Variants in CYP4X1 observed in about 807,000 individuals in gnomAD.
CYP4X1 encodes cytochrome P450 4X1.
A neutral mutation model predicts 57.9 loss-of-function variants in CYP4X1; 44 were observed. The observed-to-expected ratio is 0.76, with a 90% CI of 0.60 to 0.98. The LOEUF is 0.98. Ranked by LOEUF, CYP4X1 falls within the 50% of genes least tolerant of loss-of-function variation. The pLI is 0.00. For missense variants in CYP4X1, 532 were observed against 623.9 expected (o/e 0.85, Z 1.57); for synonymous variants, 227 against 228.6 (o/e 0.99, Z 0.06).
chr1:47,035,740 G>C (rs906372086), intron 4 of CYP4X1, 66 bp from the exon 5 acceptor site: 6 of 1,558,700 alleles, frequency 3.8e-6, no homozygotes, highest in Non-Finnish European at 5.2e-6. Flanking sequence ...CCAGGCAGGA[G>C]CCTTCAAATG....
chr1:46,973,469 T>C, the CYP4X1 span, among the ~76,000 whole-genome samples: 9 of 152,176 alleles, frequency 5.9e-5, no homozygotes, highest in African/African-American at 2.2e-4. Context: ...AGTCCCTCCC[T>C]TTTCTATTTT....
chr1:46,993,291 C>A, the CYP4X1 span, among the ~76,000 whole-genome samples: 1 of 152,212 alleles, frequency 6.6e-6, no homozygotes, highest in African/African-American at 2.4e-5. Context: ...CATAGTATTC[C>A]ATGGTGTAGA....
intron 1 of CYP4X1, among the ~76,000 whole-genome samples, chr1:47,025,871 C>T (rs987700733): frequency 6.6e-6 from 1 of 152,206 alleles, no homozygotes; most frequent in East Asian, 1.9e-4. Flanking sequence ...TGTTCTAGGA[C>T]TCCCCATTGA....
intron 2 of CYP4X1, among the ~76,000 whole-genome samples, chr1:47,031,017 T>TCC (rs1162886017): frequency 6.6e-6 from 1 of 152,200 alleles, no homozygotes; most frequent in Admixed American, 6.5e-5. Context: ...GTAGAACACC[T>TCC]CCACTTTGGG....
At position 47,035,881 on chromosome 1, in the gene CYP4X1, G is replaced by A; in HGVS notation, c.568G>A (p.Asp190Asn). 1 of 1,613,688 alleles carries A rather than the reference G, an allele frequency of 6.2e-7. No individual in the cohort carries two copies. Among genetic ancestry groups the A allele is most frequent in the African/African-American group, 1.3e-5 (1 of 75,014 alleles). ...TGAGCACATCAACTCGATGTCTCTGGATATAATCATGAAATGCGCTTTCAG... is the reference window on the plus strand; with the variant it reads ...TGAGCACATCAACTCGATGTCTCTGAATATAATCATGAAATGCGCTTTCAG... ...VYEHINSMSLDIIMKCAFSKE... is the reference protein window; with the variant it reads ...VYEHINSMSLNIIMKCAFSKE... Residue 190 changes from aspartate to asparagine, a missense_variant, in exon 5 of 12, where the codon GAT (aspartate) becomes AAT (asparagine). By Grantham distance (23) the Asp-to-Asn change is conservative (BLOSUM62 1). Transcript: ENST00000371901.
chr1:47,027,748 G>T (rs185499833), intron 1 of CYP4X1, among the ~76,000 whole-genome samples: 286 of 152,250 alleles, frequency 1.9e-3, no homozygotes, highest in African/African-American at 6.7e-3. Flanking sequence ...GAACATGCAC[G>T]TCTGTGGTTA....
In CYP4X1 at chr1:47,046,560, C is replaced by T. The variant is rs747915842; in HGVS notation, c.1167C>T (p.Ser389=). 1.9e-6 allele frequency: 3 copies of T among 1,614,162 alleles called. No homozygotes were observed. The highest frequency in any genetic ancestry group is 1.7e-6 in the Non-Finnish European group (2 of 1,180,028). Residue 389 remains serine (S), a synonymous_variant, in exon 9 of 12, where the codon AGC becomes AGT. Transcript: ENST00000371901. ...TCCCGTCCATTTCCAGAGATCTCAG[C>T]AAGCCACTTACCTTCCCAGATGGAT... The part of the protein sequence containing the change: ...PAVPSISRDL[S]KPLTFPDGCT...
chr1:47,020,462 C>T (rs1377757475), upstream of CYP4X1, among the ~76,000 whole-genome samples: 12 of 152,340 alleles, frequency 7.9e-5, no homozygotes, highest in Middle Eastern at 3.4e-3. Context: ...CTAGCCTGGA[C>T]GGATTTCATT....
the CYP4X1 span, among the ~76,000 whole-genome samples, chr1:46,963,739 T>C: frequency 1.3e-5 from 2 of 152,204 alleles, no homozygotes; most frequent in Non-Finnish European, 1.5e-5. Flanking sequence ...TTGCTCTTCT[T>C]GACGAGTATC....
chr1:46,993,675 G>C, the CYP4X1 span, among the ~76,000 whole-genome samples: 1 of 152,116 alleles, frequency 6.6e-6, no homozygotes, highest in Non-Finnish European at 1.5e-5. Context: ...GCATTTCTCT[G>C]ATGGCCAGTG....
chr1:47,009,808 T>C, the CYP4X1 span, among the ~76,000 whole-genome samples: 6 of 152,230 alleles, frequency 3.9e-5, no homozygotes, highest in Non-Finnish European at 5.9e-5. Context: ...CTAGAAGATC[T>C]AGAAGCAATG....
the CYP4X1 span, among the ~76,000 whole-genome samples, chr1:47,012,367 T>C: frequency 6.6e-6 from 1 of 152,142 alleles, no homozygotes; most frequent in Admixed American, 6.5e-5. Flanking sequence ...ATGAGAACAC[T>C]TGGACACAGG....
the CYP4X1 span, among the ~76,000 whole-genome samples, chr1:46,998,112 T>C: frequency 1.3e-5 from 2 of 152,166 alleles, no homozygotes; most frequent in African/African-American, 2.4e-5. Context: ...GTATTATGCA[T>C]AAAGTGAAGA....
At chr1:47,053,062 TC>T (rs985708508), downstream of CYP4X1, among the ~76,000 whole-genome samples, 14 of 152,078 alleles carry the variant, frequency 9.2e-5, no homozygotes, top group Admixed American at 5.9e-4. Flanking sequence ...ATGCTATCCC[TC>T]CCCCATCCCC....
chr1:46,974,950 G>GTA, the CYP4X1 span, among the ~76,000 whole-genome samples: 795 of 151,920 alleles, frequency 5.2e-3, 10 homozygotes, highest in East Asian at 0.054. Flanking sequence ...GATAGTAAGG[G>GTA]TATATATATA....
chr1:47,031,340 G>T, intron 2 of CYP4X1, 96 bp from the exon 3 acceptor site: 15 of 1,402,540 alleles, frequency 1.1e-5, no homozygotes. Flanking sequence ...CACTTTTTGT[G>T]GTTGGTGCAG....
rs991022851 is a variant in CYP4X1 at position 47,048,634 on chromosome 1, G to C, written c.1272+5G>C. 2 of 1,610,696 alleles carry C rather than the reference G, an allele frequency of 1.2e-6. No homozygotes were observed. Among genetic ancestry groups the C allele is most frequent in the African/African-American group, 2.7e-5 (2 of 74,570 alleles). ...GCTGTCTGGAAAAACCCAAAGGTAT[G>C]ATTCTCTCTTGTACATAAATACTTC... On this transcript the variant is annotated splice_donor_5th_base_variant and intron_variant, in intron 10 of 11. Coordinates refer to ENST00000371901, the MANE Select transcript of CYP4X1 (RefSeq NM_178033.2).
the CYP4X1 span, among the ~76,000 whole-genome samples, chr1:46,999,169 C>T: frequency 6.6e-6 from 1 of 151,926 alleles, no homozygotes; most frequent in Non-Finnish European, 1.5e-5. Flanking sequence ...TCTCTGTTCA[C>T]CTGGTAGTAT....
chr1:47,042,942 T>C (rs984703936), intron 8 of CYP4X1, among the ~76,000 whole-genome samples: 1 of 152,194 alleles, frequency 6.6e-6, no homozygotes, highest in Non-Finnish European at 1.5e-5. Flanking sequence ...CTTTTTCATA[T>C]AATGACTTCT....
Sources: gnomAD v4.1 joint callset for allele counts (sites outside exome capture counted in the v4.1 genomes callset) on GRCh38, gnomAD v4.1.1 for gene constraint, MANE v1.5 for transcripts, NCBI Gene and HGNC (gene_info 2026-07-23, HGNC 2026-07-21) for gene names.